ESRRG: variants seen among roughly 807,000 people sequenced by gnomAD.
ESRRG encodes estrogen related receptor gamma.
In ESRRG, 13 loss-of-function variants were observed where a neutral mutation model predicts 44.0. The ratio of observed to expected loss-of-function variants is 0.30; its 90% confidence interval spans 0.19 to 0.47. The LOEUF is 0.47. Among genes scored for constraint, ESRRG ranks in the 20% least tolerant of loss-of-function variants. The pLI, the probability that ESRRG is intolerant of heterozygous loss-of-function variation, is 1.00. For missense variants in ESRRG, 395 were observed against 580.6 expected (o/e 0.68, Z 3.29); for synonymous variants, 215 against 214.6 (o/e 1.00, Z -0.02).
At chr1:217,038,974 T>A (rs1312383320) in intron 1 of ESRRG, among the ~76,000 whole-genome samples, 1 of 152,204 alleles carries the variant, frequency 6.6e-6, no homozygotes, top group Admixed American at 6.5e-5. Context: ...ATATCCTAAA[T>A]GATCTCTCTC....
chr1:216,881,684 G>A (rs543240316), intron 2 of ESRRG, among the ~76,000 whole-genome samples: 2 of 152,196 alleles, frequency 1.3e-5, no homozygotes, highest in South Asian at 4.1e-4. Flanking sequence ...ATTGGTCAAG[G>A]AAAAGAATAC....
chr1:216,895,730 G>A (rs1174566298), intron 2 of ESRRG, among the ~76,000 whole-genome samples: 1 of 152,146 alleles, frequency 6.6e-6, no homozygotes, highest in East Asian at 1.9e-4. Context: ...TGAGTTACAG[G>A]ACAAGGGAGG....
At chr1:216,566,009 A>G (rs2059627338) in intron 4 of ESRRG, among the ~76,000 whole-genome samples, 1 of 151,894 alleles carries the variant, frequency 6.6e-6, no homozygotes, top group African/African-American at 2.4e-5. Flanking sequence ...CAGGGAACAT[A>G]GCACTGGCTT....
At chr1:217,019,802 A>G (rs1193239825) in intron 1 of ESRRG, among the ~76,000 whole-genome samples, 4 of 152,218 alleles carry the variant, frequency 2.6e-5, no homozygotes, top group Non-Finnish European at 5.9e-5. Flanking sequence ...CATGACTAGT[A>G]TAGTGTCTGT....
At chr1:217,074,132 C>T (rs1212360497) in intron 1 of ESRRG, among the ~76,000 whole-genome samples, 1 of 151,406 alleles carries the variant, frequency 6.6e-6, no homozygotes. Flanking sequence ...ACTGCAACCT[C>T]CACCTCCCAG....
At chr1:217,066,175 T>C (rs1424514637) in intron 1 of ESRRG, among the ~76,000 whole-genome samples, 1 of 152,238 alleles carries the variant, frequency 6.6e-6, no homozygotes, top group Non-Finnish European at 1.5e-5. Context: ...ACATGCCAAA[T>C]ATTTTTAAAG....
At position 216,519,354 on chromosome 1, in the gene ESRRG, G is replaced by A; in HGVS notation, c.930C>T (p.Ile310=). Reference sequence around the variant, plus strand: ...AAAGAGACCGGTATACGACACCAAGGATCAAAATTTCCATCCAAGCACTCT... The same window carrying A: ...AAAGAGACCGGTATACGACACCAAGAATCAAAATTTCCATCCAAGCACTCT... ...LLQSAWMEIL[I]LGVVYRSLSF... is the part of the protein sequence containing the mutation. Residue 310 remains isoleucine (I), a synonymous_variant, in exon 6 of 7, where the codon ATC becomes ATT. Coordinates refer to ENST00000408911, the MANE Select transcript of ESRRG (RefSeq NM_001438.4). 1 of 1,613,556 alleles carries A rather than the reference G, an allele frequency of 6.2e-7. No homozygotes were observed. The highest frequency in any genetic ancestry group is 8.5e-7 in the Non-Finnish European group (1 of 1,179,730).
intron 1 of ESRRG, among the ~76,000 whole-genome samples, chr1:217,033,253 C>T (rs2082336759): frequency 6.6e-6 from 1 of 152,164 alleles, no homozygotes; most frequent in South Asian, 2.1e-4. Flanking sequence ...AAGCACCTGT[C>T]CCCTTTTTGT....
chr1:216,554,415 C>A (rs2057080365), intron 5 of ESRRG, among the ~76,000 whole-genome samples: 1 of 151,536 alleles, frequency 6.6e-6, no homozygotes, highest in Non-Finnish European at 1.5e-5. Context: ...GATCATGCCA[C>A]TGCACTCCAG....
At chr1:216,829,694 T>C (rs1189218970) in intron 2 of ESRRG, among the ~76,000 whole-genome samples, 1 of 151,896 alleles carries the variant, frequency 6.6e-6, no homozygotes. Flanking sequence ...GCTGGGATTA[T>C]GGGCGCCTGC....
At chr1:216,904,332 C>A (rs1185310323) in intron 2 of ESRRG, among the ~76,000 whole-genome samples, 1 of 152,116 alleles carries the variant, frequency 6.6e-6, no homozygotes, top group East Asian at 1.9e-4. Flanking sequence ...GTTCTACCTG[C>A]AGATGTGATG....
chr1:216,745,344 T>A (rs1019985955), intron 2 of ESRRG, among the ~76,000 whole-genome samples: 1 of 151,942 alleles, frequency 6.6e-6, no homozygotes, highest in African/African-American at 2.4e-5. Context: ...GTTTGTTTGT[T>A]TGTTTGTTTA....
chr1:217,075,212 A>G (rs546717671), intron 1 of ESRRG, among the ~76,000 whole-genome samples: 37 of 152,190 alleles, frequency 2.4e-4, no homozygotes, highest in African/African-American at 7.9e-4. Flanking sequence ...TAATAATGAA[A>G]CCAGCAACAG....
chr1:216,763,379 G>T (rs978656831), intron 2 of ESRRG, among the ~76,000 whole-genome samples: 1 of 151,950 alleles, frequency 6.6e-6, no homozygotes, highest in Non-Finnish European at 1.5e-5. Flanking sequence ...TGCTCTCAAC[G>T]GCAGTAGTTA....
chr1:216,546,434 A>T (rs1228526109), intron 5 of ESRRG, among the ~76,000 whole-genome samples: 3 of 152,028 alleles, frequency 2.0e-5, no homozygotes, highest in African/African-American at 7.2e-5. Context: ...CAAAATCTCC[A>T]ACTCTCATAG....
At chr1:216,543,723 G>A (rs2053577405) in intron 5 of ESRRG, among the ~76,000 whole-genome samples, 1 of 151,984 alleles carries the variant, frequency 6.6e-6, no homozygotes, top group African/African-American at 2.4e-5. Flanking sequence ...GATGAACAGG[G>A]TTGAAACAGT....
At chr1:216,758,118 T>A (rs1482074423) in intron 2 of ESRRG, among the ~76,000 whole-genome samples, 1 of 152,060 alleles carries the variant, frequency 6.6e-6, no homozygotes, top group African/African-American at 2.4e-5. Flanking sequence ...CCATACCTCC[T>A]CCTCCCGTGA....
At position 216,539,384 on chromosome 1, in the gene ESRRG, G is replaced by T. The variant is rs2051994267; in HGVS notation, c.863-19963C>A. On this transcript the variant is annotated intron_variant, in intron 5 of 6. Coordinates refer to ENST00000408911, the MANE Select transcript of ESRRG (RefSeq NM_001438.4). Reference sequence around the variant, plus strand: ...AATTTTCGTTTGGTTGCTTAGTATGGCCATTAACACATAGGTTATTATGTG... The same window carrying T: ...AATTTTCGTTTGGTTGCTTAGTATGTCCATTAACACATAGGTTATTATGTG... Among the ~76,000 whole-genome samples, 5 of 151,794 alleles carry T rather than the reference G, an allele frequency of 3.3e-5. No individual in the cohort carries two copies. The South Asian group carries it at 1.0e-3, about 32-fold the overall frequency.
intron 2 of ESRRG, among the ~76,000 whole-genome samples, chr1:216,777,300 T>G (rs2093651309): frequency 6.6e-6 from 1 of 152,146 alleles, no homozygotes; most frequent in Non-Finnish European, 1.5e-5. Flanking sequence ...GAGGCAATGC[T>G]AAGAGTCTGC....
Sources: allele counts gnomAD v4.1 joint callset (sites outside exome capture counted in the v4.1 genomes callset), GRCh38; gene constraint gnomAD v4.1.1; transcripts MANE v1.5; gene names NCBI Gene and HGNC (gene_info 2026-07-23, HGNC 2026-07-21).